The following HTT variants were observed in gnomAD, a reference collection of about 807,000 sequenced individuals.
The protein encoded by HTT is huntingtin, also known as huntington disease protein.
Under a neutral mutation model 362.3 loss-of-function variants are expected in HTT, and 104 were observed. The observed-to-expected ratio is 0.29, with a 90% CI of 0.24 to 0.34. HTT has a LOEUF of 0.34. HTT is among the 10% of genes least tolerant of loss of function. The pLI is 1.00. For missense variants in HTT, 3,301 were observed against 3,928.6 expected (o/e 0.84, Z 4.27); for synonymous variants, 1,577 against 1,548.7 (o/e 1.02, Z -0.43).
intron 33 of HTT, among the ~76,000 whole-genome samples, chr4:3,176,361 G>T (rs556383483): frequency 1.3e-5 from 2 of 152,208 alleles, no homozygotes; most frequent in Non-Finnish European, 2.9e-5. Flanking sequence ...GCATCAAGGG[G>T]TGGGCTTTGC....
At chr4:3,200,953 A>G (rs916477463) in intron 41 of HTT, among the ~76,000 whole-genome samples, 1 of 152,254 alleles carries the variant, frequency 6.6e-6, no homozygotes, top group Admixed American at 6.5e-5. Context: ...CTTTTCTGAC[A>G]GATGGGCCTG....
intron 28 of HTT, among the ~76,000 whole-genome samples, chr4:3,158,086 G>A (rs1717247098): frequency 1.3e-5 from 2 of 151,906 alleles, no homozygotes; most frequent in South Asian, 4.1e-4. Context: ...CAGGGCTCAA[G>A]TGATCCTCCC....
chr4:3,116,378 T>C, intron 8 of HTT, 115 bp downstream of exon 8: 2 of 871,350 alleles, frequency 2.3e-6, no homozygotes, highest in Non-Finnish European at 1.8e-6. Context: ...ACTCTGGAGC[T>C]GCGCTGCTCG....
intron 10 of HTT, among the ~76,000 whole-genome samples, chr4:3,124,711 A>G (rs2110181216): frequency 6.6e-6 from 1 of 152,330 alleles, no homozygotes; most frequent in Admixed American, 6.5e-5. Flanking sequence ...CCTATTATTT[A>G]GTAGATAGGC....
chr4:3,120,976 A>G (rs999519242), intron 8 of HTT, among the ~76,000 whole-genome samples: 3 of 152,134 alleles, frequency 2.0e-5, no homozygotes, highest in African/African-American at 4.8e-5. Context: ...AGAGATCTTC[A>G]TTCTCATGCT....
Position 3,114,181 on chromosome 4 carries a change from TA to T in HTT, c.748-1121del, listed in dbSNP as rs1714907075. 2.0e-5 allele frequency among the ~76,000 whole-genome samples: 3 copies of T among 152,366 alleles called. No individual in the cohort carries two copies. The South Asian group carries it at 6.2e-4, about 32-fold the overall frequency. On this transcript the variant is annotated intron_variant, in intron 6 of 66. Transcript: ENST00000355072. The stretch of plus-strand genomic sequence containing the variant: ...GTTAACCGCAGCAGGAGCATGTCCT[TA>T]AGGCACAGATCGCTCATGCTATTGT...
intron 56 of HTT, among the ~76,000 whole-genome samples, chr4:3,224,956 G>A (rs1211196231): frequency 6.6e-6 from 1 of 152,134 alleles, no homozygotes; most frequent in Non-Finnish European, 1.5e-5. Context: ...AGAGGTGGGT[G>A]GGAGGCATAC....
chr4:3,233,211 A>G lies in HTT; in HGVS notation c.8314A>G (p.Arg2772Gly). 6.2e-7 allele frequency: 1 copy of G among 1,601,364 alleles called. No individual in the cohort carries two copies. Among genetic ancestry groups the G allele is most frequent in the South Asian group, 1.1e-5 (1 of 90,776 alleles). Residue 2772 changes from arginine (R) to glycine (G), a missense_variant, in exon 61 of 67, where the codon AGG becomes GGG. Physicochemically the swap from Arg to Gly is moderately radical, Grantham distance 125. Coordinates refer to ENST00000355072, the MANE Select transcript of HTT (RefSeq NM_001388492.1). ...PVSRLLESTL[R>G]SSHLPSRVGA... ...CAGCCGCCTGCTGGAGAGCACGCTC[A>G]GGAGCAGCCACCTGCCCAGCAGGGT... is the stretch of plus-strand genomic sequence containing the variant.
chr4:3,144,498 A>G (rs1427734224), intron 23 of HTT, among the ~76,000 whole-genome samples: 4 of 152,016 alleles, frequency 2.6e-5, no homozygotes, highest in African/African-American at 4.8e-5. Flanking sequence ...TTGTATTTTT[A>G]GTAGAGGTAG....
chr4:3,158,373 T>C (rs975902141), intron 28 of HTT, among the ~76,000 whole-genome samples: 1 of 152,226 alleles, frequency 6.6e-6, no homozygotes, highest in African/African-American at 2.4e-5. Context: ...GATATTCTTC[T>C]TTATTGATTT....
chr4:3,217,749 A>T lies in HTT; in HGVS notation c.7055-16A>T. The T allele has an allele frequency of 6.2e-7, 1 of 1,604,736 alleles. No homozygotes were observed. ...GTGTTTTTTAAAAAGTCCTCTCTTA[A>T]CCGTTGCTTGTTTAGATCCTAAGTA... On this transcript the variant is annotated splice_polypyrimidine_tract_variant and intron_variant, in intron 51 of 66. Coordinates refer to ENST00000355072, the MANE Select transcript of HTT (RefSeq NM_001388492.1).
chr4:3,129,617 T>C (rs1715702887), intron 12 of HTT: 1 of 245,550 alleles, frequency 4.1e-6, no homozygotes, highest in South Asian at 7.0e-5. Context: ...CTGTAAAATT[T>C]GTTTGTGAAG....
chr4:3,201,604 G>A (rs910238889), intron 41 of HTT, among the ~76,000 whole-genome samples: 2 of 150,202 alleles, frequency 1.3e-5, no homozygotes, highest in Admixed American at 6.6e-5. Flanking sequence ...AAAAAATATC[G>A]TTCTTTAATG....
intron 8 of HTT, among the ~76,000 whole-genome samples, chr4:3,119,421 T>A (rs1425040866): frequency 6.6e-6 from 1 of 152,250 alleles, no homozygotes; most frequent in Non-Finnish European, 1.5e-5. Context: ...TGGGACATTC[T>A]CTTTCAAATG....
At chr4:3,145,330 A>G (rs1238227354) in intron 24 of HTT, 102 bp downstream of exon 24, 68 of 894,276 alleles carry the variant, frequency 7.6e-5, no homozygotes, top group South Asian at 1.3e-4. Context: ...TCTTTTATCA[A>G]TTTGGCTTTT....
rs147879564 is a variant in HTT, at chr4:3,187,293, C to T, written c.4990-358C>T. 4.7e-3 allele frequency among the ~76,000 whole-genome samples: 711 copies of T among 151,836 alleles called. 5 individuals carry two copies. Among genetic ancestry groups the T allele is most frequent in the Middle Eastern group, 0.02 (6 of 294 alleles). On this transcript the variant is annotated intron_variant, in intron 38 of 66. Transcript: ENST00000355072. ...GCCTCAGCCTCCCGAGTAGCTGGGA[C>T]TACAGGTGCGTGCCACTGTGCCCGG... is the stretch of plus-strand genomic sequence containing the variant.
chr4:3,179,433 C>T (rs1302860395), intron 35 of HTT, among the ~76,000 whole-genome samples: 2 of 152,092 alleles, frequency 1.3e-5, no homozygotes, highest in South Asian at 2.1e-4. Flanking sequence ...GAGAGTATAC[C>T]CATGCGTGCA....
chr4:3,224,537 C>A (rs144509691), intron 56 of HTT, among the ~76,000 whole-genome samples: 12 of 152,330 alleles, frequency 7.9e-5, no homozygotes, highest in African/African-American at 2.9e-4. Flanking sequence ...GCACCCCGCT[C>A]CCTGCACCTC....
chr4:3,184,488 C>G (rs1578569160), intron 37 of HTT, among the ~76,000 whole-genome samples: 1 of 151,994 alleles, frequency 6.6e-6, no homozygotes, highest in African/African-American at 2.4e-5. Context: ...CCATGTGAGA[C>G]CCGGCACTGG....
Sources: gnomAD v4.1 joint callset for allele counts (sites outside exome capture counted in the v4.1 genomes callset) on GRCh38, gnomAD v4.1.1 for gene constraint, MANE v1.5 for transcripts, NCBI Gene and HGNC (gene_info 2026-07-23, HGNC 2026-07-21) for gene names.